The following CD99L2 variants were observed in gnomAD, a reference collection of about 807,000 sequenced individuals.
The protein encoded by CD99L2 is CD99 antigen-like protein 2.
CD99L2 carries 24 observed loss-of-function variants against 27.3 expected under a neutral mutation model. The ratio of observed to expected loss-of-function variants is 0.88; its 90% confidence interval spans 0.64 to 1.24. The LOEUF is 1.24. Among genes scored for constraint, CD99L2 ranks in the 50% most tolerant of loss-of-function variants. CD99L2 has a pLI of 0.00. For synonymous variants in CD99L2, 97 were observed against 87.9 expected (o/e 1.10, Z -0.58); for missense variants, 255 against 221.6 (o/e 1.15, Z -0.96).
chrX:150,864,031 C>T (rs1339782551), intron 1 of CD99L2, among the ~76,000 whole-genome samples: 2 of 112,114 alleles, frequency 1.8e-5, no homozygotes, highest in African/African-American at 3.2e-5. Context: ...GGAGACAATA[C>T]ATTTCTGTTG....
At chrX:150,787,998 T>G (rs1388810256) in intron 7 of CD99L2, among the ~76,000 whole-genome samples, 1 of 104,580 alleles carries the variant, frequency 9.6e-6, no homozygotes, top group Non-Finnish European at 2.0e-5. Flanking sequence ...TCTGAGGCAT[T>G]TTTTGTATGT....
chrX:150,886,455 T>C (rs782638260), intron 1 of CD99L2, among the ~76,000 whole-genome samples: 1 of 112,705 alleles, frequency 8.9e-6, no homozygotes, highest in East Asian at 2.8e-4. Context: ...CAGTATTCAG[T>C]ACAGTCACAT....
At chrX:150,841,222 AAG>A (rs1161324925) in intron 1 of CD99L2, among the ~76,000 whole-genome samples, 1 of 109,849 alleles carries the variant, frequency 9.1e-6, no homozygotes, top group Non-Finnish European at 1.9e-5. Flanking sequence ...AGAATGGGAT[AAG>A]CCTATAATAG....
Position 150,858,633 on chromosome X carries a change from C to A in CD99L2, c.68-27340G>T, listed in dbSNP as rs1488006673. Reference sequence around the variant, plus strand: ...TCAATGAAGAAGTTAAGAGAGAAATCAAAAAACTCTTGAAACAAATGAAAA... The same window carrying A: ...TCAATGAAGAAGTTAAGAGAGAAATAAAAAAACTCTTGAAACAAATGAAAA... On this transcript the variant is annotated intron_variant, in intron 1 of 10. Coordinates refer to ENST00000370377, the MANE Select transcript of CD99L2 (RefSeq NM_031462.4). Among the ~76,000 whole-genome samples the A allele has an allele frequency of 3.6e-5, 4 of 111,785 alleles. No individual in the cohort carries two copies. The Admixed American group carries it at 3.8e-4, about 11-fold the overall frequency.
At chrX:150,882,107 C>T (rs1430851683) in intron 1 of CD99L2, among the ~76,000 whole-genome samples, 2 of 111,303 alleles carry the variant, frequency 1.8e-5, no homozygotes, top group African/African-American at 3.3e-5. Context: ...TGAGCCACCG[C>T]GCCCGGACTA....
Position 150,774,949 on chromosome X carries a change from C to T in CD99L2, c.655+1225G>A, listed in dbSNP as rs113170750. Among the ~76,000 whole-genome samples the T allele has an allele frequency of 6.5e-3, 734 of 112,239 alleles. 11 individuals are homozygous for T. Among genetic ancestry groups the T allele is most frequent in the African/African-American group, 0.022 (694 of 30,892 alleles). On this transcript the variant is annotated intron_variant, in intron 9 of 10. Transcript: ENST00000370377. ...CAAGCTTCCGGATCCACGGTGGGTC[C>T]GTGGGATCTCAAGCAGGGTGGCCAT...
chrX:150,895,942 C>T (rs1479895162), intron 1 of CD99L2, among the ~76,000 whole-genome samples: 1 of 103,994 alleles, frequency 9.6e-6, no homozygotes. Flanking sequence ...AGGAGAATGG[C>T]GTGAACCCAG....
chrX:150,780,714 C>T (rs1236344783), intron 7 of CD99L2, among the ~76,000 whole-genome samples: 1 of 109,086 alleles, frequency 9.2e-6, no homozygotes, highest in Non-Finnish European at 1.9e-5. Flanking sequence ...AGAACACAAA[C>T]AGGCAATTCA....
intron 1 of CD99L2, 131 bp from the exon 2 acceptor site, chrX:150,831,424 C>T (rs2046442875): frequency 3.9e-6 from 2 of 511,286 alleles, no homozygotes; most frequent in African/African-American, 4.8e-5. Flanking sequence ...AATAGAAACC[C>T]AAAGTGAGTG....
At chrX:150,788,243 C>T (rs929852536) in intron 7 of CD99L2, among the ~76,000 whole-genome samples, 1 of 111,586 alleles carries the variant, frequency 9.0e-6, no homozygotes, top group African/African-American at 3.3e-5. Flanking sequence ...GTTCAACACA[C>T]ATAAATTATT....
rs552387757 is a variant in CD99L2, at chrX:150,798,869, G to C, written c.278-3383C>G. Among the ~76,000 whole-genome samples, 5 of 112,197 alleles carry C rather than the reference G, an allele frequency of 4.5e-5. No individual in the cohort carries two copies. In the East Asian group the frequency reaches 1.1e-3, roughly 25 times the overall value. On this transcript the variant is annotated intron_variant, in intron 4 of 10. Transcript: ENST00000370377. The stretch of plus-strand genomic sequence containing the variant: ...AGACTCAAGTGATCCTCTTATCTTA[G>C]CCTTCTGAGTAGCTGGGACTACAGG...
At chrX:150,855,718 T>C (rs955559048) in intron 1 of CD99L2, among the ~76,000 whole-genome samples, 1 of 110,883 alleles carries the variant, frequency 9.0e-6, no homozygotes. Context: ...GAGAACTCCA[T>C]GTGAACATGG....
chrX:150,800,273 G>A (rs191555825), intron 4 of CD99L2, among the ~76,000 whole-genome samples: 95 of 111,051 alleles, frequency 8.6e-4, no homozygotes, highest in African/African-American at 3.0e-3. Flanking sequence ...GTTTCTAGCT[G>A]GGCTGATGAA....
At chrX:150,894,088 A>T (rs182072419) in intron 1 of CD99L2, among the ~76,000 whole-genome samples, 1 of 111,372 alleles carries the variant, frequency 9.0e-6, no homozygotes, top group African/African-American at 3.3e-5. Context: ...CATAAACTCT[A>T]TCTAGTTCCA....
chrX:150,770,348 A>C lies in CD99L2; in HGVS notation c.677T>G (p.Val226Gly). The C allele has an allele frequency of 8.3e-7, 1 of 1,211,413 alleles. No homozygotes were observed. The highest frequency in any genetic ancestry group is 1.1e-6 in the Non-Finnish European group (1 of 895,275). The change falls in exon 10 of 11, where the codon GTG becomes GGG. Residue 226 changes from valine to glycine, a missense_variant. Val to Gly is a moderately radical substitution (Grantham distance 109). Transcript: ENST00000370377. ...SIQQGLNADY[V>G]KGENLEAVVC... is the part of the protein sequence containing the mutation. Reference sequence around the variant, plus strand: ...CACGGCTTCCAGGTTCTCTCCCTTCACGTAGTCTGCGTTGAGACCCTCTGC... The same window carrying C: ...CACGGCTTCCAGGTTCTCTCCCTTCCCGTAGTCTGCGTTGAGACCCTCTGC...
At chrX:150,811,979 A>G (rs1225012114) in intron 4 of CD99L2, among the ~76,000 whole-genome samples, 2 of 111,505 alleles carry the variant, frequency 1.8e-5, no homozygotes, top group African/African-American at 6.5e-5. Flanking sequence ...TAGGCAACAT[A>G]GTGAGACCCT....
chrX:150,855,100 G>A (rs1476473554), intron 1 of CD99L2, among the ~76,000 whole-genome samples: 3 of 112,011 alleles, frequency 2.7e-5, no homozygotes, highest in Non-Finnish European at 5.6e-5. Context: ...AATCACTACT[G>A]ACTGGTGCAT....
intron 9 of CD99L2, among the ~76,000 whole-genome samples, chrX:150,774,479 T>G (rs911733704): frequency 1.1e-4 from 12 of 111,937 alleles, no homozygotes; most frequent in African/African-American, 3.9e-4. Context: ...GAAGGCCATG[T>G]GGATTGAGCT....
In CD99L2 at chrX:150,768,986, G is replaced by A. The variant is rs1297239863; in HGVS notation, c.*48C>T. 7 of 1,114,994 alleles carry A rather than the reference G, an allele frequency of 6.3e-6. No individual in the cohort carries two copies. The highest frequency in any genetic ancestry group is 1.9e-5 in the African/African-American group (1 of 51,852). The allele number at this position is 1,114,994 out of a possible 1,213,427, so 91.9% of individuals were successfully genotyped here. On this transcript the variant is annotated 3_prime_UTR_variant, in exon 11 of 11. Transcript: ENST00000370377. ...CAAATGAAGGGGTGGGGGGAGCCGG[G>A]TGACAAGCGGTGGCACCATTGTGCA...
Sources: allele counts gnomAD v4.1 joint callset (sites outside exome capture counted in the v4.1 genomes callset), GRCh38; gene constraint gnomAD v4.1.1; transcripts MANE v1.5; gene names NCBI Gene and HGNC (gene_info 2026-07-23, HGNC 2026-07-21).